POT1: variants seen among roughly 807,000 people sequenced by gnomAD.
POT1 encodes the protein protection of telomeres 1, also known as protection of telomeres protein 1.
In POT1, 47 loss-of-function variants were observed where a neutral mutation model predicts 78.5. The ratio of observed to expected loss-of-function variants is 0.60; its 90% CI spans 0.47 to 0.76. POT1 has a LOEUF of 0.76. Ranked by LOEUF, POT1 falls within the 30% of genes least tolerant of loss-of-function variation. The probability of loss-of-function intolerance (pLI) is 0.00; values close to 1 mark genes in which losing one functional copy is unlikely to be tolerated. For synonymous variants in POT1, 259 were observed against 260.7 expected, an observed-to-expected ratio of 0.99 and a Z score of 0.06; for missense variants, 646 against 749.9, an observed-to-expected ratio of 0.86 and a Z score of 1.62.
intron 15 of POT1, 134 bp downstream of exon 15, chr7:124,835,145 T>C: frequency 9.8e-7 from 1 of 1,025,614 alleles, no homozygotes; most frequent in Non-Finnish European, 1.4e-6. Flanking sequence ...CTAATGCAGG[T>C]GACGGGTTGA....
At chr7:124,923,331 A>G (rs1797196460) in intron 2 of POT1, among the ~76,000 whole-genome samples, 1 of 151,914 alleles carries the variant, frequency 6.6e-6, no homozygotes. Context: ...CTTTAAAAAA[A>G]GAAAAGAAAA....
chr7:124,835,135 C>A, intron 15 of POT1, 144 bp downstream of exon 15: 1 of 941,208 alleles, frequency 1.1e-6, no homozygotes. Context: ...GGAGAAATGC[C>A]TAATGCAGGT....
At chr7:124,875,632 A>G (rs114291640) in intron 6 of POT1, among the ~76,000 whole-genome samples, 152 of 152,334 alleles carry the variant, frequency 1.0e-3, no homozygotes, top group African/African-American at 3.5e-3. Context: ...GATAAAATTG[A>G]TCACATAAGT....
chr7:124,863,913 C>G (rs1795660103), intron 7 of POT1, among the ~76,000 whole-genome samples: 1 of 151,980 alleles, frequency 6.6e-6, no homozygotes, highest in African/African-American at 2.4e-5. Flanking sequence ...CTCCCTAATC[C>G]TATCAAGCTT....
intron 7 of POT1, among the ~76,000 whole-genome samples, chr7:124,864,968 T>C (rs1235525605): frequency 6.6e-6 from 1 of 152,244 alleles, no homozygotes; most frequent in African/African-American, 2.4e-5. Flanking sequence ...GGCCTGAATA[T>C]CATTCTTTAG....
chr7:124,888,522 G>A (rs1005005862), intron 6 of POT1, among the ~76,000 whole-genome samples: 2 of 151,910 alleles, frequency 1.3e-5, no homozygotes, highest in African/African-American at 4.8e-5. Flanking sequence ...TTTTGATAGG[G>A]AATACATTGA....
chr7:124,823,858 C>T lies in POT1; in HGVS notation c.*104G>A, dbSNP rs977773740. 9 of 742,556 alleles carry T rather than the reference C, an allele frequency of 1.2e-5. No individual in the cohort carries two copies. Among genetic ancestry groups the T allele is most frequent in the Non-Finnish European group, 1.9e-5 (8 of 421,344 alleles). 46.0% of individuals were successfully genotyped at this position (742,556 alleles called of 1,614,324 possible). ...GACATTTTCTAATCCCATACCCATG[C>T]TAACATCATCAACATTGCTGATACA... On this transcript the variant is annotated 3_prime_UTR_variant, in exon 19 of 19. Coordinates refer to ENST00000357628, the MANE Select transcript of POT1 (RefSeq NM_015450.3).
intron 13 of POT1, among the ~76,000 whole-genome samples, chr7:124,841,930 G>A (rs575855845): frequency 8.6e-5 from 13 of 151,572 alleles, no homozygotes; most frequent in African/African-American, 2.9e-4. Flanking sequence ...AGCTCAAATG[G>A]GTAAAAACAG....
At chr7:124,874,670 G>A (rs778181246) in intron 6 of POT1, among the ~76,000 whole-genome samples, 42 of 151,750 alleles carry the variant, frequency 2.8e-4, no homozygotes, top group Non-Finnish European at 1.8e-4. Context: ...GGGAAGTGGA[G>A]GTTGCAGTGA....
intron 14 of POT1, among the ~76,000 whole-genome samples, chr7:124,838,196 C>A (rs1794940854): frequency 6.6e-6 from 1 of 151,730 alleles, no homozygotes; most frequent in Non-Finnish European, 1.5e-5. Context: ...CTATCTAATG[C>A]AGTAAGAAAA....
intron 2 of POT1, among the ~76,000 whole-genome samples, chr7:124,926,076 C>T (rs1797265875): frequency 1.3e-5 from 2 of 152,080 alleles, no homozygotes; most frequent in Non-Finnish European, 2.9e-5. Context: ...ACCTCAAAAG[C>T]ACAGGCAATA....
At chr7:124,894,542 A>T (rs1371902652) in intron 5 of POT1, among the ~76,000 whole-genome samples, 1 of 151,566 alleles carries the variant, frequency 6.6e-6, no homozygotes, top group African/African-American at 2.4e-5. Flanking sequence ...TAAGATATAA[A>T]CCTCATTATA....
chr7:124,867,709 C>CG (rs1584775776), intron 7 of POT1, among the ~76,000 whole-genome samples: 1 of 151,780 alleles, frequency 6.6e-6, no homozygotes, highest in East Asian at 1.9e-4. Context: ...TGCAGTGGTG[C>CG]GATCTCGGCT....
At chr7:124,894,102 C>G (rs1239056923) in intron 5 of POT1, among the ~76,000 whole-genome samples, 2 of 151,268 alleles carry the variant, frequency 1.3e-5, no homozygotes, top group African/African-American at 4.8e-5. Flanking sequence ...ATAAGTGATC[C>G]CAACATCAAA....
chr7:124,824,144 T>C, intron 18 of POT1, 70 bp from the exon 19 acceptor site: 1 of 831,756 alleles, frequency 1.2e-6, no homozygotes, highest in Non-Finnish European at 1.9e-6. Context: ...AATAGGTACC[T>C]AAGCTTACCA....
intron 13 of POT1, 29 bp from the exon 14 acceptor site, chr7:124,841,207 A>G (rs1795021046): frequency 2.5e-5 from 40 of 1,572,722 alleles, no homozygotes; most frequent in Non-Finnish European, 3.4e-5. Context: ...AAATGATAGA[A>G]ATCGATTTTG....
intron 3 of POT1, among the ~76,000 whole-genome samples, chr7:124,905,663 G>A (rs915407021): frequency 6.6e-6 from 1 of 152,132 alleles, no homozygotes; most frequent in Non-Finnish European, 1.5e-5. Context: ...AAGAGCTTCT[G>A]CACAGCAAAA....
intron 14 of POT1, among the ~76,000 whole-genome samples, chr7:124,839,347 T>TAAAG (rs1480288284): frequency 3.3e-5 from 5 of 152,182 alleles, no homozygotes; most frequent in Non-Finnish European, 5.9e-5. Flanking sequence ...TGTCAAAACA[T>TAAAG]AAAGAACTGT....
At chr7:124,883,370 T>C (rs1796167875) in intron 6 of POT1, among the ~76,000 whole-genome samples, 1 of 152,210 alleles carries the variant, frequency 6.6e-6, no homozygotes, top group Admixed American at 6.5e-5. Flanking sequence ...AGTAATTGTA[T>C]TGTAATTATT....
Sources: gnomAD v4.1 joint callset for allele counts (sites outside exome capture counted in the v4.1 genomes callset) on GRCh38, gnomAD v4.1.1 for gene constraint, MANE v1.5 for transcripts, NCBI Gene and HGNC (gene_info 2026-07-23, HGNC 2026-07-21) for gene names.